The following MAX variants were observed in gnomAD, a reference collection of about 807,000 sequenced individuals.
The protein encoded by MAX is protein max.
In MAX, 3 loss-of-function variants were observed where a neutral mutation model predicts 22.3. That is an observed-to-expected ratio of 0.13 (90% CI 0.06 to 0.35). MAX has a LOEUF of 0.35. Among genes scored for constraint, MAX ranks in the 10% least tolerant of loss-of-function variants. The pLI, the probability that MAX is intolerant of heterozygous loss-of-function variation, is 1.00. For synonymous variants in MAX, 72 were observed against 77.7 expected (o/e 0.93, Z 0.39); for missense variants, 119 against 209.4 (o/e 0.57, Z 2.66).
At chr14:65,070,601 C>T (rs776717851), downstream of MAX, among the ~76,000 whole-genome samples, 2 of 152,226 alleles carry the variant, frequency 1.3e-5, no homozygotes, top group Non-Finnish European at 2.9e-5. This position sits in a 1 kb window ranked among gnomAD's most constrained non-coding sequence, Gnocchi z 4.4. Flanking sequence ...CTTCTAGACA[C>T]GCCCATCCTG....
chr14:65,054,684 G>A lies in MAX; in HGVS notation c.171+39024C>T, dbSNP rs757715962. ...TGTGGTCCTGGGTGTGCCCGAAAAC[G>A]CTCTGGTAAGACGGGTGCAGGGCTT... On this transcript the variant is annotated intron_variant, in intron 3 of 3. Coordinates refer to the MAX transcript ENST00000341653. This position sits in a 1 kb window ranked among gnomAD's most constrained non-coding sequence, Gnocchi z 4.4. 9.3e-6 allele frequency: 15 copies of A among 1,608,062 alleles called. No individual in the cohort carries two copies. Among genetic ancestry groups the A allele is most frequent in the East Asian group, 9.0e-5 (4 of 44,518 alleles).
chr14:65,079,925 A>G lies in MAX; in HGVS notation c.172-1889T>C, dbSNP rs547100137. On this transcript the variant is annotated intron_variant, in intron 3 of 4. Transcript: ENST00000358664. This position sits in a 1 kb window ranked among gnomAD's most constrained non-coding sequence, Gnocchi z 4.5. ...AATCAACCATTTTTATCAGGTGCAAATTACGTACAAGATACTAGGCAGATA... is the reference window on the plus strand; with the variant it reads ...AATCAACCATTTTTATCAGGTGCAAGTTACGTACAAGATACTAGGCAGATA... 4.5e-4 allele frequency among the ~76,000 whole-genome samples: 69 copies of G among 152,284 alleles called. No individual in the cohort carries two copies. The South Asian group carries it at 8.3e-3, about 18-fold the overall frequency.
At chr14:65,072,358 C>T (rs1595122314), downstream of MAX, among the ~76,000 whole-genome samples, 2 of 152,254 alleles carry the variant, frequency 1.3e-5, no homozygotes, top group South Asian at 2.1e-4. Context: ...AGCCAGCCCC[C>T]TAGAGCATTG....
At chr14:65,015,195 C>T (rs537163681) in intron 3 of MAX, among the ~76,000 whole-genome samples, 6 of 151,852 alleles carry the variant, frequency 4.0e-5, no homozygotes, top group Non-Finnish European at 8.8e-5. Context: ...CTCTGCCTCC[C>T]GGGTTCAAGT....
intron 3 of MAX, among the ~76,000 whole-genome samples, chr14:65,087,436 C>A (rs1200023632): frequency 6.6e-6 from 1 of 152,206 alleles, no homozygotes; most frequent in African/African-American, 2.4e-5. Flanking sequence ...TGCAAAGCCA[C>A]AAGGGTAGAG....
chr14:65,096,670 T>C (rs909667309), intron 2 of MAX, among the ~76,000 whole-genome samples: 4 of 152,132 alleles, frequency 2.6e-5, no homozygotes, highest in African/African-American at 9.7e-5. Flanking sequence ...AGACTCCCAG[T>C]GTAAGGCATC....
Position 65,051,113 on chromosome 14 carries a change from T to C in MAX, c.171+42595A>G, listed in dbSNP as rs192280451. ...AGATGGGAGATTGGATGCTTCTCCT[T>C]AGGTCGGACTTAGTTTCCTGTGTCT... On this transcript the variant is annotated intron_variant, in intron 3 of 3. Transcript: ENST00000341653. 2.5e-4 allele frequency among the ~76,000 whole-genome samples: 38 copies of C among 152,308 alleles called. 3 individuals are homozygous for C. The highest frequency in any genetic ancestry group is 2.3e-3 in the Admixed American group (35 of 15,300).
At chr14:65,025,245 A>G (rs1037587923) in intron 3 of MAX, among the ~76,000 whole-genome samples, 1 of 152,200 alleles carries the variant, frequency 6.6e-6, no homozygotes, top group South Asian at 2.1e-4. Flanking sequence ...CTTTAGGGTC[A>G]GTAGTGTTGC....
At chr14:65,006,239 G>T (rs2061587637) in exon 4 of MAX, 2 of 1,610,226 alleles carry the variant, frequency 1.2e-6, no homozygotes, top group Non-Finnish European at 8.5e-7. Context: ...AAAGGCAAGT[G>T]TTCATAAGGA....
chr14:65,065,801 AC>A (rs1220909767), intron 3 of MAX, among the ~76,000 whole-genome samples: 1 of 152,052 alleles, frequency 6.6e-6, no homozygotes, highest in Middle Eastern at 3.2e-3. Context: ...CCAAACAATA[AC>A]CCCTAAGACA....
downstream of MAX, chr14:65,074,979 C>T: frequency 1.3e-6 from 1 of 779,418 alleles, no homozygotes; most frequent in East Asian, 8.9e-5. Flanking sequence ...GGAAGCAACT[C>T]TGGCTTATGG....
intron 3 of MAX, among the ~76,000 whole-genome samples, chr14:65,051,845 A>G: frequency 6.8e-6 from 1 of 146,884 alleles, no homozygotes; most frequent in Non-Finnish European, 1.5e-5. Context: ...CCCAGGCTGG[A>G]GTGCAGTGGT....
intron 3 of MAX, chr14:65,061,344 C>A: frequency 6.2e-7 from 1 of 1,612,418 alleles, no homozygotes; most frequent in South Asian, 1.1e-5. Flanking sequence ...CTTTGCTCAC[C>A]CATCTCCCCA....
chr14:65,017,175 G>A (rs1320552036), intron 3 of MAX, among the ~76,000 whole-genome samples: 3 of 151,978 alleles, frequency 2.0e-5, no homozygotes, highest in Non-Finnish European at 2.9e-5. Flanking sequence ...TACCTGCCTC[G>A]GCCTCCCAAA....
chr14:65,063,943 A>G (rs572557794), intron 3 of MAX, among the ~76,000 whole-genome samples: 1 of 152,294 alleles, frequency 6.6e-6, no homozygotes, highest in East Asian at 1.9e-4. Context: ...ACTTTCTCCC[A>G]TCAATAAACA....
Position 65,029,855 on chromosome 14 carries a change from T to C in MAX, c.172-23571A>G, listed in dbSNP as rs1207179588. 6.6e-6 allele frequency among the ~76,000 whole-genome samples: 1 copy of C among 152,134 alleles called. No individual in the cohort carries two copies. Among genetic ancestry groups the C allele is most frequent in the Non-Finnish European group, 1.5e-5 (1 of 68,022 alleles). The stretch of plus-strand genomic sequence containing the variant: ...AAGTTTCCCAATTGCAGTGATGGAC[T>C]GTAGTGTTCCAATAAAAGCCCTCTG... On this transcript the variant is annotated intron_variant, in intron 3 of 3. Transcript: ENST00000341653. This position sits in a 1 kb window ranked among gnomAD's most constrained non-coding sequence, Gnocchi z 4.7.
chr14:65,091,372 T>A (rs1180901329), intron 3 of MAX, among the ~76,000 whole-genome samples: 1 of 152,206 alleles, frequency 6.6e-6, no homozygotes, highest in Non-Finnish European at 1.5e-5. Context: ...CAGTAGGACA[T>A]ATTTGGATTA....
At position 65,010,204 on chromosome 14, in the gene MAX, C is replaced by T. The variant is rs187591806; in HGVS notation, c.172-3920G>A. ...GTGACATGACACTTCCTTTGCTCTT[C>T]CCTAGCATATGTAAACTCTCCTGTT... is the stretch of plus-strand genomic sequence containing the variant. On this transcript the variant is annotated intron_variant, in intron 3 of 3. Transcript: ENST00000341653. Among the ~76,000 whole-genome samples, 402 of 152,306 alleles carry T rather than the reference C, an allele frequency of 2.6e-3. 1 individual carries two copies. The highest frequency in any genetic ancestry group is 7.9e-3 in the African/African-American group (329 of 41,572).
At chr14:65,058,093 T>G (rs1002585955) in intron 3 of MAX, among the ~76,000 whole-genome samples, 3 of 150,420 alleles carry the variant, frequency 2.0e-5, no homozygotes, top group African/African-American at 7.6e-5. Flanking sequence ...CATTTTAGAT[T>G]AATAGGAGAG....
Sources: gnomAD v4.1 joint callset for allele counts (sites outside exome capture counted in the v4.1 genomes callset) on GRCh38, gnomAD v4.1.1 for gene constraint, Gnocchi (gnomAD v3.1) non-coding constraint, MANE v1.5 for transcripts, NCBI Gene and HGNC (gene_info 2026-07-23, HGNC 2026-07-21) for gene names.